The following TUBB8B variants were observed in gnomAD, a reference collection of about 807,000 sequenced individuals.
The protein encoded by TUBB8B is tubulin beta 8B, also known as HSA18p11 beta-tubulin 4Q pseudogene.
Under a neutral mutation model 31.9 loss-of-function variants are expected in TUBB8B, and 26 were observed. That is an observed-to-expected ratio of 0.81 (90% CI 0.60 to 1.13). The LOEUF (loss-of-function observed/expected upper bound fraction) is 1.13. TUBB8B is among the 50% of genes most tolerant of loss of function. The pLI, the probability that TUBB8B is intolerant of heterozygous loss-of-function variation, is 0.00. For synonymous variants in TUBB8B, 173 were observed against 231.0 expected, an observed-to-expected ratio of 0.75 and a Z score of 2.28; for missense variants, 467 against 586.7, an observed-to-expected ratio of 0.80 and a Z score of 2.11.
chr18:48,499 G>T, intron 3 of TUBB8B, 52 bp from the exon 4 acceptor site: 3 of 1,051,724 alleles, frequency 2.9e-6, no homozygotes, highest in Non-Finnish European at 4.4e-6. Flanking sequence ...GGTCATCAGT[G>T]GTCACCACCA....
the TUBB8B span, among the ~76,000 whole-genome samples, chr18:64,737 G>T: frequency 6.6e-6 from 1 of 152,044 alleles, no homozygotes; most frequent in Non-Finnish European, 1.5e-5. Context: ...GAAAAGGACT[G>T]ATATTTACTG....
rs751417591 is a variant in TUBB8B at position 49,266 on chromosome 18, C to T, written c.58-29G>A. ...CAAGAGACGGGAGGGGCCAGACAGG[C>T]CGGGGCTGAGTCACGGAGGCGCCCC... is the stretch of plus-strand genomic sequence containing the variant. On this transcript the variant is annotated intron_variant, in intron 1 of 3. Coordinates refer to ENST00000308911, the MANE Select transcript of TUBB8B (RefSeq NM_001358689.2). 35 of 1,523,750 alleles carry T rather than the reference C, an allele frequency of 2.3e-5. No homozygotes were observed. The Admixed American group carries it at 3.2e-4, about 14-fold the overall frequency. 94.4% of individuals were successfully genotyped at this position (1,523,750 alleles called of 1,614,324 possible). A position where few individuals can be genotyped will look rare whatever the true frequency, so the allele number is the denominator to read the frequency against.
the TUBB8B span, among the ~76,000 whole-genome samples, chr18:55,816 T>A: frequency 5.3e-5 from 8 of 151,982 alleles, no homozygotes; most frequent in East Asian, 1.5e-3. Flanking sequence ...TCCTTCACTT[T>A]AAAAAAGCTT....
At chr18:67,976 C>T in the TUBB8B span, among the ~76,000 whole-genome samples, 3 of 152,278 alleles carry the variant, frequency 2.0e-5, no homozygotes, top group East Asian at 1.9e-4. Flanking sequence ...CACAATACTG[C>T]TATGACACCC....
chr18:73,347 A>C, the TUBB8B span: 2 of 166,080 alleles, frequency 1.2e-5, no homozygotes, highest in Non-Finnish European at 1.5e-5. Flanking sequence ...CCGGAGCTGC[A>C]GCAGCGTCTC....
Sources: gnomAD v4.1 joint callset for allele counts (sites outside exome capture counted in the v4.1 genomes callset) on GRCh38, gnomAD v4.1.1 for gene constraint, MANE v1.5 for transcripts, NCBI Gene and HGNC (gene_info 2026-07-23, HGNC 2026-07-21) for gene names.